Variants in MYO7B observed in about 807,000 individuals in gnomAD.
MYO7B encodes unconventional myosin-VIIb.
In MYO7B, 212 loss-of-function variants were observed where a neutral mutation model predicts 259.7. That is an observed-to-expected ratio of 0.82 (90% CI 0.73 to 0.91). MYO7B has a LOEUF of 0.91. MYO7B is among the 40% of genes least tolerant of loss of function. The pLI is 0.00. For missense variants in MYO7B, 2,732 were observed against 2,813.5 expected (o/e 0.97, Z 0.66); for synonymous variants, 1,197 against 1,166.4 (o/e 1.03, Z -0.54).
At position 127,637,483 on chromosome 2, in the gene MYO7B, G is replaced by C; in HGVS notation, c.*66G>C. On this transcript the variant is annotated 3_prime_UTR_variant, in exon 48 of 48. Transcript: ENST00000409816. ...CTCTAGCCTGGCGGCACCTTCCCAGGCCCTCTCAACCCAGGGCCTGTCCTT... is the reference window on the plus strand; with the variant it reads ...CTCTAGCCTGGCGGCACCTTCCCAGCCCCTCTCAACCCAGGGCCTGTCCTT... The C allele has an allele frequency of 8.0e-7, 1 of 1,254,338 alleles. No individual in the cohort carries two copies. The allele number at this position is 1,254,338 out of a possible 1,614,324, so 77.7% of individuals were successfully genotyped here.
At chr2:127,626,703 C>T (rs753903204) in intron 31 of MYO7B, 3 of 329,572 alleles carry the variant, frequency 9.1e-6, no homozygotes, top group Non-Finnish European at 1.7e-5. Flanking sequence ...CGCTTGAACT[C>T]GGGAGGCGGA....
Position 127,584,414 on chromosome 2 carries a change from G to A in MYO7B, c.1554+82G>A. On this transcript the variant is annotated intron_variant, in intron 13 of 47. Coordinates refer to ENST00000409816, the MANE Select transcript of MYO7B (RefSeq NM_001393586.1). This position sits in a 1 kb window ranked among gnomAD's most constrained non-coding sequence, Gnocchi z 5.8. ...GGAGGCTGGGAAACTCCATTTGGGT[G>A]GGCCACTTGTTCTGAGAGTCACTAA... 6.9e-7 allele frequency: 1 copy of A among 1,446,154 alleles called. No individual in the cohort carries two copies. Among genetic ancestry groups the A allele is most frequent in the Non-Finnish European group, 9.6e-7 (1 of 1,046,804 alleles). The allele number at this position is 1,446,154 out of a possible 1,614,324, so 89.6% of individuals were successfully genotyped here.
rs1679393198 is a variant in MYO7B, at chr2:127,588,547, C to T, written c.1846C>T (p.Leu616Phe). Residue 616 changes from leucine (L) to phenylalanine (F), a missense_variant, in exon 15 of 48, where the codon CTC becomes TTC. Coordinates refer to ENST00000409816, the MANE Select transcript of MYO7B (RefSeq NM_001393586.1). Reference sequence around the variant, plus strand: ...CCGCCAGGCAAAGGCAGGAAACCATCTCTTCAAGGTGGGCTCCCAGGCACC... The same window carrying T: ...CCGCCAGGCAAAGGCAGGAAACCATTTCTTCAAGGTGGGCTCCCAGGCACC... ...TIRQAKAGNH[L>F]FKSADSNKRP... 7 of 1,612,970 alleles carry T rather than the reference C, an allele frequency of 4.3e-6. No individual in the cohort carries two copies. Among genetic ancestry groups the T allele is most frequent in the Non-Finnish European group, 5.9e-6 (7 of 1,179,852 alleles).
At position 127,608,705 on chromosome 2, in the gene MYO7B, C is replaced by G. The variant is rs1366807896; in HGVS notation, c.2644-3C>G. Reference sequence around the variant, plus strand: ...GGGTAACCTTCCTCCACGGGGTATGCAGGCGCCGCTGGTCATCCCGGCCGA... The same window carrying G: ...GGGTAACCTTCCTCCACGGGGTATGGAGGCGCCGCTGGTCATCCCGGCCGA... On this transcript the variant is annotated splice_polypyrimidine_tract_variant and splice_region_variant and intron_variant, in intron 21 of 47. Coordinates refer to ENST00000409816, the MANE Select transcript of MYO7B (RefSeq NM_001393586.1). 6.2e-7 allele frequency: 1 copy of G among 1,609,692 alleles called. No individual in the cohort carries two copies.
intron 1 of MYO7B, among the ~76,000 whole-genome samples, chr2:127,549,502 T>C (rs545032377): frequency 6.6e-6 from 1 of 152,276 alleles, no homozygotes; most frequent in African/African-American, 2.4e-5. Flanking sequence ...CCTCAAGTTT[T>C]TAAAAGACAA....
At position 127,627,108 on chromosome 2, in the gene MYO7B, A is replaced by G. The variant is rs1033913936; in HGVS notation, c.4333+16A>G. ...ACACTCTCAGGTAATGGCATCTGACAGGGGGCAGGGAGCAGGTATGGGCTG... is the reference window on the plus strand; with the variant it reads ...ACACTCTCAGGTAATGGCATCTGACGGGGGGCAGGGAGCAGGTATGGGCTG... On this transcript the variant is annotated intron_variant, in intron 32 of 47. Transcript: ENST00000409816. This position sits in a 1 kb window ranked among gnomAD's most constrained non-coding sequence, Gnocchi z 5.6. The G allele has an allele frequency of 2.5e-6, 4 of 1,607,580 alleles. No individual in the cohort carries two copies. Among genetic ancestry groups the G allele is most frequent in the Non-Finnish European group, 1.7e-6 (2 of 1,177,396 alleles).
intron 2 of MYO7B, among the ~76,000 whole-genome samples, chr2:127,563,526 A>G (rs1453760202): frequency 6.6e-6 from 1 of 152,098 alleles, no homozygotes; most frequent in African/African-American, 2.4e-5. Flanking sequence ...GAAGACCTGC[A>G]AATATGGTGT....
Position 127,621,964 on chromosome 2 carries a change from C to T in MYO7B, c.3526-18C>T. On this transcript the variant is annotated intron_variant, in intron 27 of 47. Transcript: ENST00000409816. ...CTTTCTGAGTGTCTTCCTCCCTTCT[C>T]CCCTCCTCACCCACCAGTATCTACT... is the stretch of plus-strand genomic sequence containing the variant. 1 of 1,551,706 alleles carries T rather than the reference C, an allele frequency of 6.4e-7. No homozygotes were observed. Among genetic ancestry groups the T allele is most frequent in the South Asian group, 1.2e-5 (1 of 84,020 alleles).
At position 127,628,399 on chromosome 2, in the gene MYO7B, G is replaced by C. The variant is rs376282510; in HGVS notation, c.4488G>C (p.Leu1496=). 6.2e-7 allele frequency: 1 copy of C among 1,601,038 alleles called. No homozygotes were observed. Among genetic ancestry groups the C allele is most frequent in the African/African-American group, 1.3e-5 (1 of 74,810 alleles). ...NREAQGGQRL[L]LSTMHEEYEF... The stretch of plus-strand genomic sequence containing the variant: ...AGGCCCAGGGCGGGCAGAGGCTGCT[G>C]CTCTCCACGATGCATGAGGAGTACG... Residue 1496 remains leucine, a synonymous_variant, in exon 34 of 48, where the codon CTG becomes CTC. Coordinates refer to ENST00000409816, the MANE Select transcript of MYO7B (RefSeq NM_001393586.1). The surrounding 1 kb of genome is among the most constrained non-coding windows in gnomAD (Gnocchi z 4.8).
Position 127,597,736 on chromosome 2 carries a change from G to T in MYO7B, c.2339+1180G>T, listed in dbSNP as rs1162070240. On this transcript the variant is annotated intron_variant, in intron 19 of 47. Coordinates refer to ENST00000409816, the MANE Select transcript of MYO7B (RefSeq NM_001393586.1). The surrounding 1 kb of genome is among the most constrained non-coding windows in gnomAD (Gnocchi z 4.8). Reference sequence around the variant, plus strand: ...TGCAACCTCTGCTTTCCGGGCTCAAGCTATCCTCCCACCTCAGCCTCCAAA... The same window carrying T: ...TGCAACCTCTGCTTTCCGGGCTCAATCTATCCTCCCACCTCAGCCTCCAAA... Among the ~76,000 whole-genome samples the T allele has an allele frequency of 2.0e-5, 3 of 151,996 alleles. No homozygotes were observed. Among genetic ancestry groups the T allele is most frequent in the African/African-American group, 7.3e-5 (3 of 41,358 alleles).
chr2:127,637,058 T>G, intron 47 of MYO7B, 145 bp downstream of exon 47: 1 of 1,386,830 alleles, frequency 7.2e-7, no homozygotes, highest in African/African-American at 1.4e-5. Flanking sequence ...GGAGAGGGCC[T>G]GGGTGCATCC....
In MYO7B at chr2:127,613,822, G is replaced by A. The variant is rs983524486; in HGVS notation, c.3398+1219G>A. Reference sequence around the variant, plus strand: ...CTAGAATCCCTTTTTAGTTATTTTAGCCTTGGCTAGAGTACCTGGAGTCTG... The same window carrying A: ...CTAGAATCCCTTTTTAGTTATTTTAACCTTGGCTAGAGTACCTGGAGTCTG... On this transcript the variant is annotated intron_variant, in intron 26 of 47. Transcript: ENST00000409816. The surrounding 1 kb of genome is among the most constrained non-coding windows in gnomAD (Gnocchi z 4.3). Among the ~76,000 whole-genome samples, 3 of 152,188 alleles carry A rather than the reference G, an allele frequency of 2.0e-5. No individual in the cohort carries two copies. The highest frequency in any genetic ancestry group is 7.2e-5 in the African/African-American group (3 of 41,448).
chr2:127,618,212 A>C (rs1407255400), intron 26 of MYO7B, among the ~76,000 whole-genome samples: 5 of 152,162 alleles, frequency 3.3e-5, no homozygotes, highest in Admixed American at 6.5e-5. Flanking sequence ...TCATTACGGG[A>C]GTTACTACTG....
chr2:127,577,555 G>A lies in MYO7B; in HGVS notation c.850-578G>A, dbSNP rs1013091416. Among the ~76,000 whole-genome samples the A allele has an allele frequency of 2.0e-5, 3 of 150,996 alleles. No homozygotes were observed. The highest frequency in any genetic ancestry group is 3.0e-5 in the Non-Finnish European group (2 of 67,736). On this transcript the variant is annotated intron_variant, in intron 8 of 47. Coordinates refer to ENST00000409816, the MANE Select transcript of MYO7B (RefSeq NM_001393586.1). The surrounding 1 kb of genome is among the most constrained non-coding windows in gnomAD (Gnocchi z 5.2). ...TCTCAACACCCACCCCAGCCTCCCC[G>A]CAGCCCTGTCCCTGCCTCCCCACCT... is the stretch of plus-strand genomic sequence containing the variant.
chr2:127,575,280 G>A (rs1297882498), intron 7 of MYO7B, among the ~76,000 whole-genome samples: 1 of 152,170 alleles, frequency 6.6e-6, no homozygotes, highest in Non-Finnish European at 1.5e-5. Flanking sequence ...GGGTCACAGA[G>A]CCAGCAGATG....
At chr2:127,567,509 T>C (rs1055390816) in intron 5 of MYO7B, among the ~76,000 whole-genome samples, 2 of 152,078 alleles carry the variant, frequency 1.3e-5, no homozygotes, top group Non-Finnish European at 2.9e-5. Context: ...GAGGGGAGGG[T>C]GTGGCAGGCT....
chr2:127,569,946 G>GC, intron 6 of MYO7B, 36 bp downstream of exon 6: 1 of 1,591,668 alleles, frequency 6.3e-7, no homozygotes, highest in South Asian at 1.1e-5. Context: ...TTCTCCCCCA[G>GC]CCCCCCTGGA....
In MYO7B at chr2:127,608,730, A is replaced by T; in HGVS notation, c.2666A>T (p.Glu889Val). The T allele has an allele frequency of 6.2e-7, 1 of 1,612,498 alleles. No homozygotes were observed. The highest frequency in any genetic ancestry group is 8.5e-7 in the Non-Finnish European group (1 of 1,179,168). ...KANAPLVIPA[E>V]GQKSQGALPA... ...CAGGCGCCGCTGGTCATCCCGGCCG[A>T]GGGGCAGAAAAGCCAAGGCGCTCTC... The change falls in exon 22 of 48, where the codon GAG (glutamate) becomes GTG (valine). Residue 889 changes from glutamate to valine, a missense_variant. Physicochemically the swap from Glu to Val is moderately radical, Grantham distance 121 (BLOSUM62 -2). Transcript: ENST00000409816.
At position 127,565,278 on chromosome 2, in the gene MYO7B, C is replaced by T. The variant is rs754625139; in HGVS notation, c.178C>T (p.His60Tyr). The T allele has an allele frequency of 2.0e-4, 316 of 1,613,894 alleles. No homozygotes were observed. Among genetic ancestry groups the T allele is most frequent in the Non-Finnish European group, 2.6e-4 (311 of 1,179,882 alleles). ...AEDFGVLSPM[H>Y]PNSVQGVDDM... ...GGACTTTGGTGTCCTCAGTCCCATG[C>T]ACCCCAACTCAGTCCAGGGTGTGGA... Residue 60 changes from histidine to tyrosine, a missense_variant, in exon 4 of 48, where the codon CAC becomes TAC. This residue lies in a region of MYO7B where 1,906 missense variants were observed against 2,026.4 expected (regional missense o/e 0.94). Coordinates refer to ENST00000409816, the MANE Select transcript of MYO7B (RefSeq NM_001393586.1).
Sources: gnomAD v4.1 joint callset for allele counts (sites outside exome capture counted in the v4.1 genomes callset) on GRCh38, gnomAD v4.1.1 for gene constraint, gnomAD v4.1.1 regional missense constraint, Gnocchi (gnomAD v3.1) non-coding constraint, MANE v1.5 for transcripts, NCBI Gene and HGNC (gene_info 2026-07-23, HGNC 2026-07-21) for gene names.